The following ZNF609 variants were observed in gnomAD, a reference collection of about 807,000 sequenced individuals.
The protein encoded by ZNF609 is zinc finger protein 609.
A neutral mutation model predicts 109.5 loss-of-function variants in ZNF609; 11 were observed. The ratio of observed to expected loss-of-function variants is 0.10; its 90% confidence interval spans 0.06 to 0.17. ZNF609 has a LOEUF of 0.17. Ranked by LOEUF, ZNF609 falls within the 10% of genes least tolerant of loss-of-function variation. The pLI, the probability that ZNF609 is intolerant of heterozygous loss-of-function variation, is 1.00. For missense variants in ZNF609, 1,559 were observed against 1,772.4 expected (o/e 0.88, Z 2.16); for synonymous variants, 646 against 662.0 (o/e 0.98, Z 0.37).
chr15:64,611,912 T>A (rs576807716), intron 2 of ZNF609, among the ~76,000 whole-genome samples: 17 of 151,116 alleles, frequency 1.1e-4, no homozygotes, highest in Middle Eastern at 3.4e-3. Context: ...TTTTTTTGTA[T>A]TTTTTGTAGA....
intron 3 of ZNF609, chr15:64,643,756 C>A (rs1896294116): frequency 6.6e-6 from 1 of 152,130 alleles, no homozygotes; most frequent in Admixed American, 6.5e-5. Flanking sequence ...TTAACACTTA[C>A]TATTTTTCTG....
At chr15:64,581,563 C>T (rs1228470477) in intron 2 of ZNF609, among the ~76,000 whole-genome samples, 1 of 151,946 alleles carries the variant, frequency 6.6e-6, no homozygotes, top group Non-Finnish European at 1.5e-5. Flanking sequence ...GCAAGTGGGG[C>T]CTTCCAGGGA....
At chr15:64,608,961 T>C (rs1370957214) in intron 2 of ZNF609, among the ~76,000 whole-genome samples, 1 of 152,094 alleles carries the variant, frequency 6.6e-6, no homozygotes, top group Non-Finnish European at 1.5e-5. Flanking sequence ...GATCTGGAAA[T>C]CCTGGGCTAA....
intron 2 of ZNF609, among the ~76,000 whole-genome samples, chr15:64,515,938 CAAA>C (rs57072582): frequency 6.7e-5 from 5 of 74,244 alleles, no homozygotes; most frequent in East Asian, 2.5e-4. Flanking sequence ...AACTCCGTCT[CAAA>C]AAAAAAAAAA....
chr15:64,619,585 G>A (rs1165316267), intron 2 of ZNF609, among the ~76,000 whole-genome samples: 5 of 152,156 alleles, frequency 3.3e-5, no homozygotes, highest in Non-Finnish European at 5.9e-5. Context: ...GGTGGATTTC[G>A]TCGCTTCTCC....
intron 3 of ZNF609, among the ~76,000 whole-genome samples, chr15:64,633,753 C>T (rs1284675319): frequency 5.3e-5 from 8 of 151,838 alleles, no homozygotes; most frequent in Non-Finnish European, 7.4e-5. Flanking sequence ...TGGTGGTGGG[C>T]GCCTGTAATC....
chr15:64,549,432 T>C (rs1473704471), intron 2 of ZNF609, among the ~76,000 whole-genome samples: 1 of 152,212 alleles, frequency 6.6e-6, no homozygotes, highest in East Asian at 1.9e-4. Context: ...CACCAAGGCC[T>C]CCCAAAGTGC....
chr15:64,597,803 C>A (rs1338194540), intron 2 of ZNF609, among the ~76,000 whole-genome samples: 1 of 152,136 alleles, frequency 6.6e-6, no homozygotes, highest in Non-Finnish European at 1.5e-5. Context: ...GCTCACAGGA[C>A]CACCCAGTGA....
intron 2 of ZNF609, among the ~76,000 whole-genome samples, chr15:64,514,732 C>T (rs1042180693): frequency 5.3e-5 from 8 of 151,844 alleles, no homozygotes; most frequent in South Asian, 2.1e-4. Flanking sequence ...TCTGCCTCCC[C>T]GATTCAAGCA....
intron 2 of ZNF609, 149 bp downstream of exon 2, chr15:64,500,315 T>A: frequency 8.9e-7 from 1 of 1,126,596 alleles, no homozygotes; most frequent in Non-Finnish European, 1.3e-6. Context: ...AATGATAATG[T>A]GGTTTTCTTC....
At chr15:64,604,901 G>A (rs1895569948) in intron 2 of ZNF609, among the ~76,000 whole-genome samples, 1 of 151,902 alleles carries the variant, frequency 6.6e-6, no homozygotes, top group Non-Finnish European at 1.5e-5. Context: ...GCATGATCTT[G>A]GCTCACTGCA....
intron 3 of ZNF609, among the ~76,000 whole-genome samples, chr15:64,638,711 C>T (rs1056987889): frequency 6.6e-6 from 1 of 151,974 alleles, no homozygotes; most frequent in South Asian, 2.1e-4. Flanking sequence ...GCCCGGACAA[C>T]ATGGCGAAAC....
intron 2 of ZNF609, among the ~76,000 whole-genome samples, chr15:64,535,523 G>C (rs1894128384): frequency 6.6e-6 from 1 of 152,134 alleles, no homozygotes; most frequent in Non-Finnish European, 1.5e-5. Context: ...CCATATACGT[G>C]TTGGAGGTGA....
At chr15:64,517,302 G>A (rs1567003002) in intron 2 of ZNF609, among the ~76,000 whole-genome samples, 2 of 152,082 alleles carry the variant, frequency 1.3e-5, no homozygotes, top group African/African-American at 2.4e-5. Flanking sequence ...ACTTGAACCC[G>A]GGAAGTGGAG....
In ZNF609 at chr15:64,471,803, G is replaced by A. The variant is rs192998170; in HGVS notation, c.-128+10965G>A. Among the ~76,000 whole-genome samples the A allele has an allele frequency of 4.5e-4, 69 of 151,978 alleles. 1 individual carries two copies. In the Middle Eastern group the frequency reaches 0.014, roughly 30 times the overall value. ...TCTCCATGTTGGTCTGGCTGGTCTC[G>A]AACTCCCAAACTTAGGTGATCCGCC... is the stretch of plus-strand genomic sequence containing the variant. On this transcript the variant is annotated intron_variant, in intron 1 of 9. Coordinates refer to ENST00000326648, the MANE Select transcript of ZNF609 (RefSeq NM_015042.2).
chr15:64,619,695 G>T (rs1428245953), intron 2 of ZNF609, among the ~76,000 whole-genome samples: 1 of 152,114 alleles, frequency 6.6e-6, no homozygotes, highest in Non-Finnish European at 1.5e-5. Context: ...AATCAGTAAG[G>T]GTAGTTTGAT....
At chr15:64,566,096 C>T (rs113971204) in intron 2 of ZNF609, among the ~76,000 whole-genome samples, 7,039 of 152,204 alleles carry the variant, frequency 0.046, 542 homozygotes, top group African/African-American at 0.16. Flanking sequence ...GCAGTTCTCC[C>T]GCCTCAACCT....
intron 1 of ZNF609, among the ~76,000 whole-genome samples, chr15:64,487,000 A>G (rs1455983396): frequency 6.6e-6 from 1 of 152,130 alleles, no homozygotes; most frequent in East Asian, 1.9e-4. Context: ...GGTTAGGTCG[A>G]TATTCATTAT....
At chr15:64,496,423 G>T (rs1398425034) in intron 1 of ZNF609, among the ~76,000 whole-genome samples, 2 of 152,128 alleles carry the variant, frequency 1.3e-5, no homozygotes, top group Non-Finnish European at 2.9e-5. Flanking sequence ...ATTAATGTAG[G>T]TTACACTCTA....
Sources: gnomAD v4.1 joint callset for allele counts (sites outside exome capture counted in the v4.1 genomes callset) on GRCh38, gnomAD v4.1.1 for gene constraint, MANE v1.5 for transcripts, NCBI Gene and HGNC (gene_info 2026-07-23, HGNC 2026-07-21) for gene names.